Variants in PHC3 observed in about 807,000 individuals in gnomAD.
The protein encoded by PHC3 is polyhomeotic homolog 3, also known as polyhomeotic-like protein 3.
PHC3 carries 13 observed loss-of-function variants against 107.4 expected under a neutral mutation model. That is an observed-to-expected ratio of 0.12 (90% confidence interval 0.08 to 0.19). The LOEUF (loss-of-function observed/expected upper bound fraction) is 0.19, where lower values mean the gene tolerates loss of function less well. PHC3 is among the 10% of genes least tolerant of loss of function. The pLI is 1.00. For synonymous variants in PHC3, 456 were observed against 427.4 expected, an observed-to-expected ratio of 1.07 and a Z score of -0.83; for missense variants, 992 against 1,210.9, an observed-to-expected ratio of 0.82 and a Z score of 2.68.
intron 8 of PHC3, among the ~76,000 whole-genome samples, chr3:170,126,528 A>ATTTTT (rs1553788612): frequency 9.6e-4 from 87 of 90,600 alleles, no homozygotes; most frequent in Non-Finnish European, 1.2e-3. Flanking sequence ...ATATATATAT[A>ATTTTT]TTTTTTTTTT....
intron 2 of PHC3, among the ~76,000 whole-genome samples, chr3:170,174,937 A>G (rs1730185087): frequency 6.6e-6 from 1 of 152,220 alleles, no homozygotes; most frequent in African/African-American, 2.4e-5. Context: ...ATACGGAAAA[A>G]AATTCTAAAA....
intron 4 of PHC3, among the ~76,000 whole-genome samples, chr3:170,164,769 C>T (rs961636212): frequency 3.9e-5 from 6 of 152,098 alleles, no homozygotes; most frequent in Non-Finnish European, 7.4e-5. Context: ...CAGGCACAAA[C>T]AAAAATCCCC....
intron 12 of PHC3, among the ~76,000 whole-genome samples, chr3:170,103,440 T>C (rs543089496): frequency 6.6e-6 from 1 of 152,226 alleles, no homozygotes; most frequent in South Asian, 2.1e-4. Flanking sequence ...AGAATGAAAA[T>C]GTAAAGTGGA....
intron 8 of PHC3, among the ~76,000 whole-genome samples, chr3:170,126,524 A>T (rs1186987567): frequency 0.015 from 1,164 of 79,710 alleles, 8 homozygotes; most frequent in Non-Finnish European, 0.022. Flanking sequence ...ATATATATAT[A>T]TATATTTTTT....
At chr3:170,124,578 T>G (rs971349025) in intron 8 of PHC3, among the ~76,000 whole-genome samples, 1 of 151,934 alleles carries the variant, frequency 6.6e-6, no homozygotes, top group East Asian at 1.9e-4. Flanking sequence ...TTGCCCAGGC[T>G]GGTCTCAAAC....
chr3:170,115,405 A>T (rs79933399), intron 10 of PHC3, among the ~76,000 whole-genome samples: 1,851 of 152,188 alleles, frequency 0.012, 40 homozygotes, highest in African/African-American at 0.042. Context: ...TATACATTAA[A>T]ACCACAGTAT....
chr3:170,123,100 TC>T (rs1256730052), intron 8 of PHC3, among the ~76,000 whole-genome samples: 2 of 152,184 alleles, frequency 1.3e-5, no homozygotes, highest in African/African-American at 2.4e-5. Flanking sequence ...CTGTCATGAA[TC>T]AAAACAGATA....
Position 170,091,950 on chromosome 3 carries a change from G to A in PHC3, c.*5280C>T, listed in dbSNP as rs1487051550. The A allele has an allele frequency of 6.6e-6, 1 of 152,076 alleles. No individual in the cohort carries two copies. The highest frequency in any genetic ancestry group is 1.5e-5 in the Non-Finnish European group (1 of 68,012). 9.4% of individuals were successfully genotyped at this position (152,076 alleles called of 1,614,324 possible). ...ATAACTACTGTGAACAAAACTATAT[G>A]ATACATTTTATGAACTTCTAATAAA... is the stretch of plus-strand genomic sequence containing the variant. On this transcript the variant is annotated 3_prime_UTR_variant, in exon 15 of 15. Transcript: ENST00000495893.
intron 4 of PHC3, among the ~76,000 whole-genome samples, chr3:170,159,397 C>T (rs564958095): frequency 6.6e-6 from 1 of 151,082 alleles, no homozygotes; most frequent in Non-Finnish European, 1.5e-5. Context: ...AGTGGCTGAA[C>T]TAAAAATTTT....
At chr3:170,178,240 T>G (rs944065015) in intron 2 of PHC3, among the ~76,000 whole-genome samples, 1 of 149,966 alleles carries the variant, frequency 6.7e-6, no homozygotes, top group Non-Finnish European at 1.5e-5. Flanking sequence ...GCCTTCCGGG[T>G]TCACGCCATT....
intron 11 of PHC3, among the ~76,000 whole-genome samples, chr3:170,107,427 TA>T (rs1321379067): frequency 1.3e-5 from 2 of 152,094 alleles, no homozygotes; most frequent in Non-Finnish European, 2.9e-5. Flanking sequence ...TGTCTGATTT[TA>T]CAGGAGCATG....
intron 5 of PHC3, chr3:170,147,352 A>G (rs1725149345): frequency 6.7e-6 from 1 of 149,370 alleles, no homozygotes; most frequent in African/African-American, 2.5e-5. Context: ...CAAAAAAATT[A>G]GAAAATTAAA....
intron 4 of PHC3, among the ~76,000 whole-genome samples, chr3:170,161,904 G>A (rs182018004): frequency 6.6e-6 from 1 of 152,144 alleles, no homozygotes; most frequent in East Asian, 1.9e-4. Context: ...CATCCCTAAA[G>A]GTCCTATCTC....
intron 7 of PHC3, among the ~76,000 whole-genome samples, chr3:170,135,201 A>T (rs1722871854): frequency 6.6e-6 from 1 of 152,084 alleles, no homozygotes. Flanking sequence ...CCCAGGCTGG[A>T]GTGCAGTGGT....
chr3:170,140,299 G>A (rs1220482148), intron 6 of PHC3, among the ~76,000 whole-genome samples: 1 of 151,576 alleles, frequency 6.6e-6, no homozygotes, highest in Non-Finnish European at 1.5e-5. Context: ...TCTCACTCAG[G>A]CTAGAGGGCA....
chr3:170,106,043 C>A (rs1460613957), intron 12 of PHC3, among the ~76,000 whole-genome samples: 2 of 152,164 alleles, frequency 1.3e-5, no homozygotes, highest in African/African-American at 4.8e-5. Flanking sequence ...GAAACCCCAT[C>A]TCTACTAAAA....
In PHC3 at chr3:170,171,376, C is replaced by A. The variant is rs61737327; in HGVS notation, c.411G>T (p.Thr137=). 1 of 1,599,328 alleles carries A rather than the reference C, an allele frequency of 6.3e-7. No individual in the cohort carries two copies. Among genetic ancestry groups the A allele is most frequent in the Non-Finnish European group, 8.5e-7 (1 of 1,173,258 alleles). ...AAAAAAAATTTAGGGAACTTACAGA[C>A]GTTTGGGACATACTTGACTGCTGTG... ...SVTQQSSMSQ[T]SINLSTSPTP... Residue 137 remains threonine (T), a synonymous_variant, in exon 4 of 15, where the codon ACG becomes ACT. Transcript: ENST00000495893.
intron 11 of PHC3, among the ~76,000 whole-genome samples, chr3:170,112,219 A>AT (rs996475015): frequency 4.2e-4 from 63 of 148,284 alleles, no homozygotes; most frequent in African/African-American, 8.1e-4. Flanking sequence ...ACTTTATTTC[A>AT]TTTTTTTTTT....
chr3:170,102,174 T>C (rs1348366823), intron 14 of PHC3: 1 of 985,292 alleles, frequency 1.0e-6, no homozygotes, highest in Non-Finnish European at 1.2e-6. Context: ...ATCTCTCTAC[T>C]GACCTCTCGA....
Sources: allele counts gnomAD v4.1 joint callset (sites outside exome capture counted in the v4.1 genomes callset), GRCh38; gene constraint gnomAD v4.1.1; transcripts MANE v1.5; gene names NCBI Gene and HGNC (gene_info 2026-07-23, HGNC 2026-07-21).